COMMD10: variants seen among roughly 807,000 people sequenced by gnomAD.
COMMD10 encodes the protein COMM domain containing 10, also known as COMM domain-containing protein 10.
Under a neutral mutation model 28.9 loss-of-function variants are expected in COMMD10, and 33 were observed. The ratio of observed to expected loss-of-function variants is 1.14; its 90% CI spans 0.87 to 1.53. The LOEUF (loss-of-function observed/expected upper bound fraction) is 1.53. Among genes scored for constraint, COMMD10 ranks in the 40% most tolerant of loss-of-function variants. The pLI is 0.00. For synonymous variants in COMMD10, 110 were observed against 81.7 expected, an observed-to-expected ratio of 1.35 and a Z score of -1.87; for missense variants, 310 against 233.4, an observed-to-expected ratio of 1.33 and a Z score of -2.14.
chr5:116,237,843 T>G (rs1749713550), intron 5 of COMMD10, among the ~76,000 whole-genome samples: 1 of 152,170 alleles, frequency 6.6e-6, no homozygotes, highest in African/African-American at 2.4e-5. Context: ...ACTAATATCA[T>G]CAACTCCTAC....
At position 116,277,353 on chromosome 5, in the gene COMMD10, T is replaced by C. The variant is rs146694471; in HGVS notation, c.511-14164T>C. On this transcript the variant is annotated intron_variant, in intron 5 of 6. Coordinates refer to ENST00000274458, the MANE Select transcript of COMMD10 (RefSeq NM_016144.4). The stretch of plus-strand genomic sequence containing the variant: ...ATTTTGTGAATCATAATCAGGTAAT[T>C]AGGTTAGCAGAGAACTAATGTGCAT... Among the ~76,000 whole-genome samples, 51 of 152,026 alleles carry C rather than the reference T, an allele frequency of 3.4e-4. No homozygotes were observed. In the East Asian group the frequency reaches 9.5e-3, roughly 28 times the overall value.
At chr5:116,255,136 T>A (rs1006941518) in intron 5 of COMMD10, among the ~76,000 whole-genome samples, 2 of 151,730 alleles carry the variant, frequency 1.3e-5, no homozygotes, top group African/African-American at 2.4e-5. Context: ...CCTTTTTTTG[T>A]TTTCCATTTG....
intron 5 of COMMD10, among the ~76,000 whole-genome samples, chr5:116,282,862 G>A (rs751596227): frequency 2.0e-5 from 3 of 151,836 alleles, no homozygotes; most frequent in Non-Finnish European, 2.9e-5. Flanking sequence ...GGTACTAGGC[G>A]TTAGGACTTC....
intron 5 of COMMD10, among the ~76,000 whole-genome samples, chr5:116,273,316 C>G (rs1297066006): frequency 1.3e-5 from 2 of 151,754 alleles, no homozygotes; most frequent in Admixed American, 1.3e-4. Context: ...ATTCCCTATT[C>G]CATTAAATCT....
At chr5:116,172,825 C>A (rs1219850165) in intron 5 of COMMD10, among the ~76,000 whole-genome samples, 1 of 152,204 alleles carries the variant, frequency 6.6e-6, no homozygotes, top group African/African-American at 2.4e-5. Context: ...AGCTTGAATT[C>A]TTCATGCTTT....
At chr5:116,222,961 A>T (rs1749302065) in intron 5 of COMMD10, among the ~76,000 whole-genome samples, 4 of 152,162 alleles carry the variant, frequency 2.6e-5, no homozygotes, top group Admixed American at 2.0e-4. Flanking sequence ...AAGTGCTGGG[A>T]TTACAAGTGT....
intron 4 of COMMD10, among the ~76,000 whole-genome samples, chr5:116,102,836 G>A (rs1365043993): frequency 1.3e-5 from 2 of 151,886 alleles, no homozygotes; most frequent in Non-Finnish European, 2.9e-5. Flanking sequence ...ACCCTGACAG[G>A]CCCCAGTGTG....
At chr5:116,192,834 C>A (rs945108558) in intron 5 of COMMD10, among the ~76,000 whole-genome samples, 4 of 152,114 alleles carry the variant, frequency 2.6e-5, no homozygotes, top group Admixed American at 2.6e-4. Flanking sequence ...AAATTTATCA[C>A]AAAGAGATCA....
chr5:116,110,006 C>T (rs978329245), intron 4 of COMMD10, among the ~76,000 whole-genome samples: 3 of 152,104 alleles, frequency 2.0e-5, no homozygotes, highest in African/African-American at 7.2e-5. Context: ...TGTCTGTGGG[C>T]TTGTCATATA....
intron 5 of COMMD10, among the ~76,000 whole-genome samples, chr5:116,275,352 G>T (rs1346809015): frequency 6.6e-6 from 1 of 151,758 alleles, no homozygotes; most frequent in Admixed American, 6.6e-5. Flanking sequence ...CCCCCATCCT[G>T]CTTTATTCCC....
intron 5 of COMMD10, among the ~76,000 whole-genome samples, chr5:116,159,141 T>C (rs1208939891): frequency 6.6e-6 from 1 of 152,228 alleles, no homozygotes; most frequent in African/African-American, 2.4e-5. Context: ...ATTATTTCTT[T>C]GCTCTGTATA....
intron 5 of COMMD10, among the ~76,000 whole-genome samples, chr5:116,222,768 T>G (rs1337995238): frequency 6.6e-6 from 1 of 152,192 alleles, no homozygotes; most frequent in Non-Finnish European, 1.5e-5. Context: ...CTCGGCTCAC[T>G]GCAACCTCTG....
chr5:116,222,215 C>G (rs1749278199), intron 5 of COMMD10, among the ~76,000 whole-genome samples: 1 of 152,134 alleles, frequency 6.6e-6, no homozygotes, highest in South Asian at 2.1e-4. Flanking sequence ...TTACTCTATT[C>G]TCATGAAAAC....
chr5:116,235,263 A>T (rs1749631509), intron 5 of COMMD10, among the ~76,000 whole-genome samples: 1 of 152,136 alleles, frequency 6.6e-6, no homozygotes, highest in African/African-American at 2.4e-5. Context: ...TCTTTTTAGG[A>T]GTGTTTTTGG....
chr5:116,123,480 AT>A (rs1296744779), intron 4 of COMMD10, among the ~76,000 whole-genome samples: 3 of 152,126 alleles, frequency 2.0e-5, no homozygotes, highest in Non-Finnish European at 4.4e-5. Flanking sequence ...CCAGTATTTT[AT>A]TGAGGATTTT....
intron 4 of COMMD10, among the ~76,000 whole-genome samples, chr5:116,097,663 T>G (rs1221145547): frequency 6.6e-6 from 1 of 152,070 alleles, no homozygotes; most frequent in Non-Finnish European, 1.5e-5. Flanking sequence ...AGAAAAGAGG[T>G]GTAATTTGCC....
intron 5 of COMMD10, among the ~76,000 whole-genome samples, chr5:116,280,340 A>C (rs904781689): frequency 5.9e-5 from 9 of 151,852 alleles, no homozygotes; most frequent in African/African-American, 2.2e-4. Context: ...GCACTTTCTC[A>C]GGCTGGTGCC....
chr5:116,121,626 C>T (rs1751438751), intron 4 of COMMD10, among the ~76,000 whole-genome samples: 1 of 152,218 alleles, frequency 6.6e-6, no homozygotes, highest in Non-Finnish European at 1.5e-5. Context: ...TATTTCTCCA[C>T]ATCCTCTTCA....
intron 5 of COMMD10, among the ~76,000 whole-genome samples, chr5:116,265,493 A>G (rs1463019546): frequency 1.3e-5 from 2 of 151,820 alleles, no homozygotes; most frequent in African/African-American, 2.4e-5. Flanking sequence ...TTGCTTATTT[A>G]AAACATTACA....
Sources: gnomAD v4.1 joint callset for allele counts (sites outside exome capture counted in the v4.1 genomes callset) on GRCh38, gnomAD v4.1.1 for gene constraint, MANE v1.5 for transcripts, NCBI Gene and HGNC (gene_info 2026-07-23, HGNC 2026-07-21) for gene names.